Variants in HPSE2 observed in about 807,000 individuals in gnomAD.
HPSE2 encodes the protein inactive heparanase-2.
In HPSE2, 38 loss-of-function variants were observed where a neutral mutation model predicts 60.5. The ratio of observed to expected loss-of-function variants is 0.63; its 90% CI spans 0.48 to 0.82. The LOEUF is 0.82. Ranked by LOEUF, HPSE2 falls within the 40% of genes least tolerant of loss-of-function variation. HPSE2 has a pLI of 0.00. For synonymous variants in HPSE2, 295 were observed against 293.2 expected (o/e 1.01, Z -0.06); for missense variants, 713 against 740.4 (o/e 0.96, Z 0.43).
intron 3 of HPSE2, among the ~76,000 whole-genome samples, chr10:98,974,028 C>T (rs541452271): frequency 3.9e-5 from 6 of 152,044 alleles, no homozygotes; most frequent in Admixed American, 6.5e-5. Context: ...TGGTGGCTCA[C>T]GCCTGTAATC....
chr10:98,545,132 T>C (rs1943622550), intron 9 of HPSE2, among the ~76,000 whole-genome samples: 1 of 152,080 alleles, frequency 6.6e-6, no homozygotes, highest in African/African-American at 2.4e-5. Context: ...AATAGACCAA[T>C]AACAGGATCT....
At chr10:98,726,377 T>C (rs1338757237) in intron 4 of HPSE2, among the ~76,000 whole-genome samples, 13 of 149,182 alleles carry the variant, frequency 8.7e-5, no homozygotes, top group Non-Finnish European at 1.5e-5. Context: ...CAGTAAACTA[T>C]GACAAGGACA....
At chr10:98,826,158 T>C (rs1056257367) in intron 3 of HPSE2, among the ~76,000 whole-genome samples, 2 of 152,222 alleles carry the variant, frequency 1.3e-5, no homozygotes, top group East Asian at 1.9e-4. Flanking sequence ...GCAAAGACTT[T>C]GTCTATCTTG....
intron 9 of HPSE2, among the ~76,000 whole-genome samples, chr10:98,585,942 A>G (rs557673593): frequency 2.2e-4 from 26 of 118,822 alleles, no homozygotes; most frequent in South Asian, 9.5e-4. Context: ...ACAGAGCAAG[A>G]CTGTGTCTCA....
chr10:98,659,983 G>T (rs117794776), intron 6 of HPSE2, among the ~76,000 whole-genome samples: 1 of 152,164 alleles, frequency 6.6e-6, no homozygotes, highest in Non-Finnish European at 1.5e-5. Context: ...ATAAGCTAAG[G>T]ATGGGAAAAG....
chr10:98,514,418 G>A (rs1022280397), intron 9 of HPSE2, among the ~76,000 whole-genome samples: 1 of 151,896 alleles, frequency 6.6e-6, no homozygotes, highest in African/African-American at 2.4e-5. Context: ...TGTTAAAACA[G>A]CAAATTTTAT....
the HPSE2 span, among the ~76,000 whole-genome samples, chr10:99,265,545 A>ACATG: frequency 6.6e-6 from 1 of 152,240 alleles, no homozygotes; most frequent in Admixed American, 6.5e-5. Context: ...ACGTTTACCT[A>ACATG]TGTAGCAAAC....
chr10:99,124,238 A>G (rs1845077105), intron 3 of HPSE2, among the ~76,000 whole-genome samples: 1 of 152,180 alleles, frequency 6.6e-6, no homozygotes, highest in South Asian at 2.1e-4. Flanking sequence ...TTACGGGCTT[A>G]GAAGGGAGAA....
chr10:98,866,226 C>T (rs1478101434), intron 3 of HPSE2, among the ~76,000 whole-genome samples: 2 of 151,590 alleles, frequency 1.3e-5, no homozygotes, highest in African/African-American at 2.4e-5. Context: ...ATGTGTGAGA[C>T]AAAAAATACA....
chr10:99,011,513 T>C (rs1045185285), intron 3 of HPSE2, among the ~76,000 whole-genome samples: 1 of 151,964 alleles, frequency 6.6e-6, no homozygotes, highest in African/African-American at 2.4e-5. Context: ...ATCCCAGCAC[T>C]TTGGGAGGCT....
At chr10:98,790,239 A>C (rs934123190) in intron 3 of HPSE2, among the ~76,000 whole-genome samples, 1 of 152,240 alleles carries the variant, frequency 6.6e-6, no homozygotes, top group African/African-American at 2.4e-5. Flanking sequence ...ATAGACAAAT[A>C]AGTTGATTCC....
At position 98,805,501 on chromosome 10, in the gene HPSE2, G is replaced by T. The variant is rs1162023588; in HGVS notation, c.611-61445C>A. On this transcript the variant is annotated intron_variant, in intron 3 of 11. Coordinates refer to ENST00000370552, the MANE Select transcript of HPSE2 (RefSeq NM_021828.5). ...TGTATATATTTATGGGGTACATAGG[G>T]CATATCTTGTGTACCTCATAAATAT... 5.3e-5 allele frequency among the ~76,000 whole-genome samples: 8 copies of T among 151,696 alleles called. No individual in the cohort carries two copies. In the East Asian group the frequency reaches 1.5e-3, roughly 29 times the overall value.
intron 3 of HPSE2, among the ~76,000 whole-genome samples, chr10:99,115,601 A>G (rs1844657674): frequency 6.6e-6 from 1 of 152,050 alleles, no homozygotes; most frequent in Non-Finnish European, 1.5e-5. Flanking sequence ...GGCCTCCTTT[A>G]GTGATTCTCT....
intron 4 of HPSE2, among the ~76,000 whole-genome samples, chr10:98,723,109 G>A (rs1208584694): frequency 2.0e-5 from 3 of 152,100 alleles, no homozygotes; most frequent in Non-Finnish European, 4.4e-5. Context: ...GTTTGTCATA[G>A]ATAGCTCTTA....
the HPSE2 span, among the ~76,000 whole-genome samples, chr10:99,294,289 TAG>T: frequency 6.7e-5 from 10 of 149,592 alleles, no homozygotes; most frequent in Non-Finnish European, 1.5e-5. Flanking sequence ...CATATATATA[TAG>T]AGACAGAGAG....
At chr10:98,615,391 C>T (rs1008552167) in intron 8 of HPSE2, among the ~76,000 whole-genome samples, 16 of 152,164 alleles carry the variant, frequency 1.1e-4, no homozygotes, top group South Asian at 2.1e-4. Flanking sequence ...TACAGAAGAG[C>T]GCACATTGTG....
At chr10:99,179,329 T>C (rs1018222910) in intron 2 of HPSE2, among the ~76,000 whole-genome samples, 89 of 152,324 alleles carry the variant, frequency 5.8e-4, no homozygotes, top group African/African-American at 2.1e-3. Context: ...GAAGTCAAAT[T>C]GTCCCTGTTT....
At chr10:98,940,699 T>C (rs1339205616) in intron 3 of HPSE2, among the ~76,000 whole-genome samples, 2 of 140,440 alleles carry the variant, frequency 1.4e-5, no homozygotes, top group Non-Finnish European at 1.5e-5. Context: ...TTCCAATCAA[T>C]AGAAAAAGAG....
At position 98,520,017 on chromosome 10, in the gene HPSE2, A is replaced by G. The variant is rs570336182; in HGVS notation, c.1321-29821T>C. Among the ~76,000 whole-genome samples, 58 of 152,334 alleles carry G rather than the reference A, an allele frequency of 3.8e-4. 1 individual carries two copies. The highest frequency in any genetic ancestry group is 1.3e-3 in the African/African-American group (55 of 41,574). Reference sequence around the variant, plus strand: ...TGCAGACACTCATTAACAAATATGTAAAAAAATACCCGTCAGAGAAAGATG... The same window carrying G: ...TGCAGACACTCATTAACAAATATGTGAAAAAATACCCGTCAGAGAAAGATG... On this transcript the variant is annotated intron_variant, in intron 9 of 11. Coordinates refer to ENST00000370552, the MANE Select transcript of HPSE2 (RefSeq NM_021828.5).
Sources: allele counts gnomAD v4.1 joint callset (sites outside exome capture counted in the v4.1 genomes callset), GRCh38; gene constraint gnomAD v4.1.1; transcripts MANE v1.5; gene names NCBI Gene and HGNC (gene_info 2026-07-23, HGNC 2026-07-21).